Variants in GAS7 observed in about 807,000 individuals in gnomAD.
GAS7 encodes the protein growth arrest specific 7, also known as growth arrest-specific protein 7.
A neutral mutation model predicts 71.1 loss-of-function variants in GAS7; 28 were observed. That is an observed-to-expected ratio of 0.39 (90% CI 0.29 to 0.54). GAS7 has a LOEUF of 0.54. Ranked by LOEUF, GAS7 falls within the 20% of genes least tolerant of loss-of-function variation. The pLI, the probability that GAS7 is intolerant of heterozygous loss-of-function variation, is 0.62. For synonymous variants in GAS7, 258 were observed against 245.8 expected, an observed-to-expected ratio of 1.05 and a Z score of -0.46; for missense variants, 436 against 627.8, an observed-to-expected ratio of 0.69 and a Z score of 3.27.
intron 1 of GAS7, among the ~76,000 whole-genome samples, chr17:10,064,036 G>A (rs1474539122): frequency 6.6e-6 from 1 of 152,072 alleles, no homozygotes; most frequent in Non-Finnish European, 1.5e-5. Flanking sequence ...TCACCAGCTC[G>A]AACATTAGTC....
chr17:10,090,242 C>T (rs567370985), intron 1 of GAS7, among the ~76,000 whole-genome samples: 5 of 151,208 alleles, frequency 3.3e-5, no homozygotes, highest in African/African-American at 4.9e-5. Context: ...ATTCTAAGTC[C>T]TTCAGTACAA....
rs577796754 is a variant in GAS7 at position 10,181,795 on chromosome 17, AG to A, written c.183+16412del. 2.5e-3 allele frequency among the ~76,000 whole-genome samples: 381 copies of A among 152,324 alleles called. 1 individual carries two copies. Among genetic ancestry groups the A allele is most frequent in the African/African-American group, 8.9e-3 (371 of 41,580 alleles). ...TTGTTTTACAAGATACAGGTCACAA[AG>A]ACCCCGTTGATCAAACAGGATCCAG... is the stretch of plus-strand genomic sequence containing the variant. On this transcript the variant is annotated intron_variant, in intron 1 of 13. Coordinates refer to ENST00000432992, the MANE Select transcript of GAS7 (RefSeq NM_201433.2).
rs1448576081 is a variant in GAS7, at chr17:9,910,896, G to C, written c.*6332C>G. 2 of 230,034 alleles carry C rather than the reference G, an allele frequency of 8.7e-6. 1 individual carries two copies. The highest frequency in any genetic ancestry group is 2.6e-3 in the Middle Eastern group (2 of 782). The allele number at this position is 230,034 out of a possible 1,614,324, so 14.2% of individuals were successfully genotyped here. ...AAACACATTCATACCGGGGTGAGGAGTGCTGGCGGGAGACACGGCTCTTTA... is the reference window on the plus strand; with the variant it reads ...AAACACATTCATACCGGGGTGAGGACTGCTGGCGGGAGACACGGCTCTTTA... On this transcript the variant is annotated 3_prime_UTR_variant, in exon 14 of 14. Coordinates refer to ENST00000432992, the MANE Select transcript of GAS7 (RefSeq NM_201433.2).
At position 9,926,844 on chromosome 17, in the gene GAS7, AG is replaced by A; in HGVS notation, c.886-76del. The A allele has an allele frequency of 6.5e-7, 1 of 1,527,192 alleles. No individual in the cohort carries two copies. The highest frequency in any genetic ancestry group is 2.3e-5 in the East Asian group (1 of 44,182). The allele number at this position is 1,527,192 out of a possible 1,614,324, so 94.6% of individuals were successfully genotyped here. ...AGCCAGTGCAGGGAGGAGGGATGGG[AG>A]GGGCACCCCCACTTCCCCAGGCAAG... On this transcript the variant is annotated intron_variant, in intron 9 of 13. Coordinates refer to ENST00000432992, the MANE Select transcript of GAS7 (RefSeq NM_201433.2). The surrounding 1 kb of genome is among the most constrained non-coding windows in gnomAD (Gnocchi z 5.0).
intron 2 of GAS7, among the ~76,000 whole-genome samples, chr17:10,008,783 T>A (rs899708366): frequency 2.6e-4 from 39 of 152,144 alleles, no homozygotes; most frequent in African/African-American, 8.0e-4. Context: ...TCTCTCTCTC[T>A]CTCACACACA....
At chr17:10,168,455 T>C (rs1398576069) in intron 1 of GAS7, among the ~76,000 whole-genome samples, 4 of 152,138 alleles carry the variant, frequency 2.6e-5, no homozygotes, top group African/African-American at 9.7e-5. Context: ...TAAGGAGCCT[T>C]TTAAGATATT....
intron 1 of GAS7, among the ~76,000 whole-genome samples, chr17:10,028,142 A>G (rs2072516202): frequency 6.6e-6 from 1 of 152,098 alleles, no homozygotes; most frequent in Admixed American, 6.6e-5. Context: ...TGACCTCATG[A>G]TCCACCCACC....
In GAS7 at chr17:9,954,966, G is replaced by A. The variant is rs148385932; in HGVS notation, c.525+4236C>T. ...ATGTCCTGGAAGCAACTGGAGCCTC[G>A]ATGTTTATTTGCAATGGTCTAGTGC... On this transcript the variant is annotated intron_variant, in intron 5 of 13. Transcript: ENST00000432992. Among the ~76,000 whole-genome samples the A allele has an allele frequency of 1.6e-3, 248 of 152,266 alleles. 1 individual carries two copies. The highest frequency in any genetic ancestry group is 5.7e-3 in the African/African-American group (235 of 41,548).
chr17:10,099,520 G>A (rs574313284), intron 1 of GAS7, among the ~76,000 whole-genome samples: 4 of 152,320 alleles, frequency 2.6e-5, no homozygotes, highest in Admixed American at 1.3e-4. Context: ...TGGGGGTGCC[G>A]AAAGTGAAGA....
At chr17:10,191,628 G>C (rs1386841911) in intron 1 of GAS7, among the ~76,000 whole-genome samples, 1 of 150,008 alleles carries the variant, frequency 6.7e-6, no homozygotes. Context: ...TGTAATCCCA[G>C]CACTTTGGGA....
chr17:10,195,658 C>T (rs1213674518), intron 1 of GAS7, among the ~76,000 whole-genome samples: 1 of 152,136 alleles, frequency 6.6e-6, no homozygotes, highest in African/African-American at 2.4e-5. Flanking sequence ...TCATGAGGTT[C>T]GCCATCTCCA....
chr17:9,919,847 GGAA>G lies in GAS7; in HGVS notation c.1139-145_1139-143del, dbSNP rs1381340868. 13 of 708,578 alleles carry G rather than the reference GGAA, an allele frequency of 1.8e-5. No homozygotes were observed. Among genetic ancestry groups the G allele is most frequent in the East Asian group, 1.8e-4 (7 of 39,480 alleles). 43.9% of individuals were successfully genotyped at this position (708,578 alleles called of 1,614,324 possible). ...GAAAGCTGGAAAAGGGATGGCAGTA[GGAA>G]GAAGAAGAAAGCAGAGCCAGGGAAG... On this transcript the variant is annotated intron_variant, in intron 11 of 13. Coordinates refer to ENST00000432992, the MANE Select transcript of GAS7 (RefSeq NM_201433.2). The surrounding 1 kb of genome is among the most constrained non-coding windows in gnomAD (Gnocchi z 5.0).
chr17:10,096,964 C>T (rs1312510288), intron 1 of GAS7, among the ~76,000 whole-genome samples: 14 of 152,250 alleles, frequency 9.2e-5, no homozygotes, highest in Admixed American at 9.2e-4. Context: ...ACCATCCCCT[C>T]ACCCTGCAGC....
chr17:9,919,604 C>T lies in GAS7; in HGVS notation c.1218+22G>A, dbSNP rs1003143290. 6.3e-7 allele frequency: 1 copy of T among 1,575,092 alleles called. No homozygotes were observed. The highest frequency in any genetic ancestry group is 1.3e-5 in the African/African-American group (1 of 74,238). On this transcript the variant is annotated intron_variant, in intron 12 of 13. Coordinates refer to ENST00000432992, the MANE Select transcript of GAS7 (RefSeq NM_201433.2). The surrounding 1 kb of genome is among the most constrained non-coding windows in gnomAD (Gnocchi z 5.0). ...TGTGTCAGCCTCTGTACTGCCATGT[C>T]CACACATCCCTGCCCGCTTACCAAT...
intron 1 of GAS7, among the ~76,000 whole-genome samples, chr17:10,162,902 A>G (rs1236914807): frequency 6.6e-6 from 1 of 152,178 alleles, no homozygotes; most frequent in Non-Finnish European, 1.5e-5. Flanking sequence ...CAAAATGAAA[A>G]AGGCTCTGGG....
At chr17:10,175,642 A>C (rs1002115064) in intron 1 of GAS7, among the ~76,000 whole-genome samples, 2 of 152,140 alleles carry the variant, frequency 1.3e-5, no homozygotes, top group African/African-American at 4.8e-5. Flanking sequence ...GACCTACAAC[A>C]GTGTGGTCAA....
chr17:9,989,124 C>T (rs762441521), intron 2 of GAS7, among the ~76,000 whole-genome samples: 17 of 152,186 alleles, frequency 1.1e-4, no homozygotes, highest in Admixed American at 3.3e-4. Flanking sequence ...GCTGGGACTA[C>T]GCGCCCGGCC....
intron 1 of GAS7, among the ~76,000 whole-genome samples, chr17:10,058,119 G>A (rs113049613): frequency 5.8e-4 from 89 of 152,294 alleles, no homozygotes; most frequent in Non-Finnish European, 5.6e-4. Context: ...GCGGAAGGCC[G>A]CAGGGTCCTC....
At chr17:9,936,182 A>G (rs2068395298) in intron 8 of GAS7, among the ~76,000 whole-genome samples, 1 of 152,172 alleles carries the variant, frequency 6.6e-6, no homozygotes, top group Non-Finnish European at 1.5e-5. Flanking sequence ...AGCCAACACT[A>G]TTTGAAGCAT....
Sources: gnomAD v4.1 joint callset for allele counts (sites outside exome capture counted in the v4.1 genomes callset) on GRCh38, gnomAD v4.1.1 for gene constraint, Gnocchi (gnomAD v3.1) non-coding constraint, MANE v1.5 for transcripts, NCBI Gene and HGNC (gene_info 2026-07-23, HGNC 2026-07-21) for gene names.